Variants in PLD5 observed in about 807,000 individuals in gnomAD.
The protein encoded by PLD5 is phospholipase D family member 5.
A neutral mutation model predicts 61.1 loss-of-function variants in PLD5; 36 were observed. That is an observed-to-expected ratio of 0.59 (90% CI 0.45 to 0.78). PLD5 has a LOEUF of 0.78. Ranked by LOEUF, PLD5 falls within the 30% of genes least tolerant of loss-of-function variation. The pLI, the probability that PLD5 is intolerant of heterozygous loss-of-function variation, is 0.00. For missense variants in PLD5, 515 were observed against 644.4 expected, an observed-to-expected ratio of 0.80 and a Z score of 2.17; for synonymous variants, 243 against 242.8, an observed-to-expected ratio of 1.00 and a Z score of -0.01.
intron 1 of PLD5, among the ~76,000 whole-genome samples, chr1:242,467,148 T>G (rs1217637929): frequency 2.6e-5 from 4 of 152,184 alleles, no homozygotes; most frequent in Non-Finnish European, 5.9e-5. Context: ...ATATGTTAAG[T>G]AGCTTAATTT....
At chr1:242,193,280 T>C (rs1668395381) in intron 5 of PLD5, among the ~76,000 whole-genome samples, 1 of 152,192 alleles carries the variant, frequency 6.6e-6, no homozygotes, top group Non-Finnish European at 1.5e-5. Context: ...TAGAGAAAAG[T>C]AAAAATTTTT....
chr1:242,381,316 C>A (rs955233675), intron 1 of PLD5, among the ~76,000 whole-genome samples: 2 of 152,060 alleles, frequency 1.3e-5, no homozygotes, highest in African/African-American at 4.8e-5. Context: ...CCAAACACCG[C>A]ATGTTCTCAC....
chr1:242,442,813 A>G (rs1287187012), intron 1 of PLD5, among the ~76,000 whole-genome samples: 2 of 152,216 alleles, frequency 1.3e-5, no homozygotes, highest in Non-Finnish European at 2.9e-5. Context: ...ATCTTAAGAA[A>G]TTAATCCGTT....
Position 242,454,395 on chromosome 1 carries a change from TGTAGGG to T in PLD5, c.189+69687_189+69692del, listed in dbSNP as rs1465922231. On this transcript the variant is annotated intron_variant, in intron 1 of 9. Transcript: ENST00000536534. ...CACTCAGTCTAACAGTCATAAAGCATGTAGGGATGGCTTTCAGCTTCTAATACTGTT... is the reference window on the plus strand; with the variant it reads ...CACTCAGTCTAACAGTCATAAAGCATATGGCTTTCAGCTTCTAATACTGTT... Among the ~76,000 whole-genome samples, 4 of 151,100 alleles carry T rather than the reference TGTAGGG, an allele frequency of 2.6e-5. No homozygotes were observed. In the East Asian group the frequency reaches 7.8e-4, roughly 29 times the overall value.
chr1:242,180,502 A>C (rs968211568), intron 5 of PLD5, among the ~76,000 whole-genome samples: 7 of 152,286 alleles, frequency 4.6e-5, no homozygotes, highest in African/African-American at 1.7e-4. Flanking sequence ...TAAAAAATTG[A>C]ATTAGAAAAA....
chr1:242,154,624 C>G (rs1333042089), intron 5 of PLD5, among the ~76,000 whole-genome samples: 1 of 152,098 alleles, frequency 6.6e-6, no homozygotes, highest in Non-Finnish European at 1.5e-5. Context: ...GTCATTGGTT[C>G]TGTTTATGTA....
At chr1:242,487,554 A>G (rs1290490681) in intron 1 of PLD5, among the ~76,000 whole-genome samples, 1 of 152,212 alleles carries the variant, frequency 6.6e-6, no homozygotes, top group African/African-American at 2.4e-5. Flanking sequence ...AGACTTTACT[A>G]AAGTTAAACA....
chr1:242,316,109 G>C (rs1359326903), intron 2 of PLD5, among the ~76,000 whole-genome samples: 6 of 152,196 alleles, frequency 3.9e-5, no homozygotes, highest in Non-Finnish European at 4.4e-5. Context: ...TTTATGTAAG[G>C]AGTAAATGCC....
chr1:242,217,305 G>C (rs1277975118), intron 5 of PLD5, among the ~76,000 whole-genome samples: 1 of 152,136 alleles, frequency 6.6e-6, no homozygotes, highest in Non-Finnish European at 1.5e-5. Flanking sequence ...TTCTGGGAAG[G>C]CTTCACCATT....
chr1:242,397,781 C>CTT (rs1663681952), intron 1 of PLD5, among the ~76,000 whole-genome samples: 1 of 140,688 alleles, frequency 7.1e-6, no homozygotes, highest in African/African-American at 2.8e-5. Context: ...TCTTCTTCTT[C>CTT]TTCTTTTTTT....
At chr1:242,389,741 T>G (rs1572037168) in intron 1 of PLD5, among the ~76,000 whole-genome samples, 1 of 152,158 alleles carries the variant, frequency 6.6e-6, no homozygotes, top group Admixed American at 6.6e-5. Context: ...GTGACCAGAC[T>G]TAGGATTCAT....
intron 5 of PLD5, among the ~76,000 whole-genome samples, chr1:242,182,283 T>A (rs1005615517): frequency 1.3e-5 from 2 of 152,242 alleles, no homozygotes; most frequent in African/African-American, 4.8e-5. Flanking sequence ...AACTTTCTGA[T>A]ACTTGGCCAT....
upstream of PLD5, among the ~76,000 whole-genome samples, chr1:242,524,942 C>A (rs1006224253): frequency 6.6e-6 from 1 of 152,148 alleles, no homozygotes; most frequent in East Asian, 2.0e-4. Flanking sequence ...GAAGTGAGCG[C>A]CGTCTCCGCG....
intron 2 of PLD5, among the ~76,000 whole-genome samples, chr1:242,293,392 A>T (rs1285176443): frequency 6.6e-6 from 1 of 152,202 alleles, no homozygotes; most frequent in East Asian, 1.9e-4. Context: ...AAAATATTAC[A>T]TTCAATATGT....
At chr1:242,244,485 G>A (rs1362187465) in intron 4 of PLD5, among the ~76,000 whole-genome samples, 1 of 152,230 alleles carries the variant, frequency 6.6e-6, no homozygotes, top group Non-Finnish European at 1.5e-5. Context: ...TACTTGAGCT[G>A]AGAAAAACAG....
chr1:242,323,097 G>A (rs1433921743), intron 2 of PLD5, among the ~76,000 whole-genome samples: 2 of 151,698 alleles, frequency 1.3e-5, no homozygotes, highest in Non-Finnish European at 2.9e-5. Context: ...AATTATTATT[G>A]TTATAATTAT....
intron 1 of PLD5, among the ~76,000 whole-genome samples, chr1:242,519,881 T>C (rs1383561974): frequency 6.6e-6 from 1 of 152,194 alleles, no homozygotes; most frequent in Non-Finnish European, 1.5e-5. Flanking sequence ...ATTTGAAATC[T>C]GGAAGCTCTT....
At chr1:242,469,827 A>G (rs766989747) in intron 1 of PLD5, among the ~76,000 whole-genome samples, 5 of 152,194 alleles carry the variant, frequency 3.3e-5, no homozygotes, top group Non-Finnish European at 7.3e-5. Flanking sequence ...CAATCAGAAC[A>G]GACTGCTGTG....
At chr1:242,247,367 A>AG (rs1322966009) in intron 4 of PLD5, among the ~76,000 whole-genome samples, 1 of 152,200 alleles carries the variant, frequency 6.6e-6, no homozygotes, top group Non-Finnish European at 1.5e-5. Context: ...GCTTAAGAGA[A>AG]GGGAGTCTGC....
Sources: allele counts gnomAD v4.1 joint callset (sites outside exome capture counted in the v4.1 genomes callset), GRCh38; gene constraint gnomAD v4.1.1; transcripts MANE v1.5; gene names NCBI Gene and HGNC (gene_info 2026-07-23, HGNC 2026-07-21).